The following ANKS1A variants were observed in gnomAD, a reference collection of about 807,000 sequenced individuals.
ANKS1A encodes ankyrin repeat and sterile alpha motif domain containing 1A, also known as ankyrin repeat and SAM domain-containing protein 1A.
A neutral mutation model predicts 120.3 loss-of-function variants in ANKS1A; 55 were observed. The observed-to-expected ratio is 0.46, with a 90% CI of 0.37 to 0.57. The LOEUF is 0.57. Ranked by LOEUF, ANKS1A falls within the 20% of genes least tolerant of loss-of-function variation. The pLI is 0.00. For synonymous variants in ANKS1A, 590 were observed against 604.7 expected (o/e 0.98, Z 0.36); for missense variants, 1,123 against 1,480.3 (o/e 0.76, Z 3.96).
At chr6:34,998,899 A>C (rs1164402691) in intron 10 of ANKS1A, among the ~76,000 whole-genome samples, 1 of 152,180 alleles carries the variant, frequency 6.6e-6, no homozygotes, top group Non-Finnish European at 1.5e-5. Context: ...TCCTTAGGCG[A>C]CTTTAGCCTG....
intron 11 of ANKS1A, among the ~76,000 whole-genome samples, chr6:35,041,419 T>C (rs3800426): frequency 2.4e-4 from 37 of 152,064 alleles, no homozygotes; most frequent in African/African-American, 8.2e-4. Flanking sequence ...TCACAAAGTG[T>C]AGAGGATTGC....
chr6:34,966,526 A>G (rs1002317176), intron 1 of ANKS1A, among the ~76,000 whole-genome samples: 7 of 152,234 alleles, frequency 4.6e-5, no homozygotes, highest in Non-Finnish European at 8.8e-5. Context: ...TAGCCAATGC[A>G]GTAAAGTTTG....
In ANKS1A at chr6:34,983,199, G is replaced by A; in HGVS notation, c.895G>A (p.Ala299Thr). ...GCCTTCTCAAAAGAGCCAGCAAATA[G>A]CAGCATTAATTGAAGGTATCATCCT... The part of the protein sequence containing the change: ...ELPSQKSQQI[A>T]ALIEDHMTGK... Residue 299 changes from alanine (A) to threonine (T), a missense_variant, in exon 6 of 24, where the codon GCA (alanine) becomes ACA (threonine). This residue lies in a region of ANKS1A where 904 missense variants were observed against 1,130.4 expected (regional missense o/e 0.80). Coordinates refer to ENST00000360359, the MANE Select transcript of ANKS1A (RefSeq NM_015245.3). 6.2e-7 allele frequency: 1 copy of A among 1,614,164 alleles called. No individual in the cohort carries two copies. Among genetic ancestry groups the A allele is most frequent in the South Asian group, 1.1e-5 (1 of 91,086 alleles).
intron 1 of ANKS1A, among the ~76,000 whole-genome samples, chr6:34,951,827 TA>T (rs1770106129): frequency 6.6e-6 from 1 of 152,214 alleles, no homozygotes; most frequent in African/African-American, 2.4e-5. Context: ...GTCTCTCAGT[TA>T]ACTACCTCTA....
intron 10 of ANKS1A, among the ~76,000 whole-genome samples, chr6:34,998,795 T>G (rs191801796): frequency 6.6e-6 from 1 of 152,322 alleles, no homozygotes; most frequent in East Asian, 1.9e-4. Flanking sequence ...CTTCACTATC[T>G]TGGTGTCTGA....
At chr6:34,952,471 T>C (rs966971937) in intron 1 of ANKS1A, among the ~76,000 whole-genome samples, 8 of 152,322 alleles carry the variant, frequency 5.3e-5, no homozygotes, top group Non-Finnish European at 1.2e-4. Context: ...CTTTCCTTCC[T>C]ACCACAGCCT....
Position 34,889,588 on chromosome 6 carries a change from C to A in ANKS1A, c.186C>A (p.Ser62=). The A allele has an allele frequency of 7.7e-7, 1 of 1,302,002 alleles. No homozygotes were observed. Among genetic ancestry groups the A allele is most frequent in the Non-Finnish European group, 9.7e-7 (1 of 1,035,304 alleles). 80.7% of individuals were successfully genotyped at this position (1,302,002 alleles called of 1,614,324 possible). Residue 62 remains serine (S), a synonymous_variant, in exon 1 of 24, where the codon TCC becomes TCA. Coordinates refer to ENST00000360359, the MANE Select transcript of ANKS1A (RefSeq NM_015245.3). This position sits in a 1 kb window ranked among gnomAD's most constrained non-coding sequence, Gnocchi z 5.5. ...GGLGSSSHPL[S]SLLSMWRGPN... is the part of the protein sequence containing the mutation. The stretch of plus-strand genomic sequence containing the variant: ...TCGGCTCTTCCAGCCACCCCCTCTC[C>A]AGTCTGCTCAGGTGGGTACGCGCCA...
chr6:34,981,542 AG>A lies in ANKS1A; in HGVS notation c.436-147del, dbSNP rs554213483. 135 of 781,682 alleles carry A rather than the reference AG, an allele frequency of 1.7e-4. No homozygotes were observed. In the African/African-American group the frequency reaches 1.9e-3, roughly 11 times the overall value. The allele number at this position is 781,682 out of a possible 1,614,324, so 48.4% of individuals were successfully genotyped here. A position where few individuals can be genotyped will look rare whatever the true frequency, so the allele number is the denominator to read the frequency against. ...GACCAGTCAGGCTTGTTTGTGGGGG[AG>A]TATGTCTGGATTCCGACTTTTATTA... On this transcript the variant is annotated intron_variant, in intron 3 of 23. Coordinates refer to ENST00000360359, the MANE Select transcript of ANKS1A (RefSeq NM_015245.3).
intron 7 of ANKS1A, 142 bp downstream of exon 7, chr6:34,983,567 C>T: frequency 1.4e-6 from 1 of 717,058 alleles, no homozygotes; most frequent in Non-Finnish European, 2.3e-6. Context: ...TCATTTTTTG[C>T]CAACTACTAT....
chr6:35,086,830 A>G lies in ANKS1A; in HGVS notation c.3304-122A>G. ...CCAGGGGCCTGCTCTTTGGCCGAGG[A>G]GAATAAGGGCTGCCCCTCCCAGCAC... On this transcript the variant is annotated intron_variant, in intron 22 of 23. Transcript: ENST00000360359. This position sits in a 1 kb window ranked among gnomAD's most constrained non-coding sequence, Gnocchi z 5.1. The G allele has an allele frequency of 1.0e-6, 1 of 987,716 alleles. No homozygotes were observed. The highest frequency in any genetic ancestry group is 1.6e-6 in the Non-Finnish European group (1 of 630,758). The allele number at this position is 987,716 out of a possible 1,614,324, so 61.2% of individuals were successfully genotyped here.
chr6:35,091,014 G>A lies in ANKS1A; in HGVS notation c.*2405G>A, dbSNP rs1227492842. The A allele has an allele frequency of 2.0e-6, 2 of 985,782 alleles. No homozygotes were observed. Among genetic ancestry groups the A allele is most frequent in the Admixed American group, 6.1e-5 (1 of 16,274 alleles). The allele number at this position is 985,782 out of a possible 1,614,324, so 61.1% of individuals were successfully genotyped here. ...GTTTGAGCAGGGAGCAGGCAGAGCT[G>A]CAGTCAGAGACATTAGAAAACCAGT... On this transcript the variant is annotated 3_prime_UTR_variant, in exon 24 of 24. Coordinates refer to ENST00000360359, the MANE Select transcript of ANKS1A (RefSeq NM_015245.3).
At chr6:35,022,766 G>A (rs1282179152) in intron 11 of ANKS1A, among the ~76,000 whole-genome samples, 1 of 152,140 alleles carries the variant, frequency 6.6e-6, no homozygotes, top group African/African-American at 2.4e-5. Flanking sequence ...CTTAACCTCT[G>A]TTAACATTCA....
intron 1 of ANKS1A, among the ~76,000 whole-genome samples, chr6:34,953,156 G>A (rs996425892): frequency 2.6e-5 from 4 of 152,198 alleles, no homozygotes; most frequent in African/African-American, 9.7e-5. Flanking sequence ...AATTGGTGGT[G>A]AGGATATAAT....
chr6:35,097,649 A>C, the ANKS1A span, among the ~76,000 whole-genome samples: 16 of 145,934 alleles, frequency 1.1e-4, no homozygotes, highest in South Asian at 1.7e-3. Context: ...AAAAAAAAAA[A>C]AAAAAAAAAC....
chr6:34,994,408 A>G lies in ANKS1A; in HGVS notation c.1409A>G (p.Asp470Gly), dbSNP rs1429391369. 2.5e-6 allele frequency: 4 copies of G among 1,612,560 alleles called. No homozygotes were observed. The East Asian group carries it at 8.9e-5, about 36-fold the overall frequency. Residue 470 changes from aspartate to glycine, a missense_variant, in exon 10 of 24, where the codon GAT (aspartate) becomes GGT (glycine). Around this residue, in one of 3 missense-constraint regions of ANKS1A, gnomAD observed 904 missense variants for 1,130.4 expected, o/e 0.80. Transcript: ENST00000360359. ...GAGACAAAGAAAGTGGTGTTGGTGG[A>G]TGGAAAAACAAAAGGTACGTTCCCC... The part of the protein sequence containing the change: ...TAETKKVVLV[D>G]GKTKDHRRSS...
chr6:35,067,361 C>G (rs1228127008), intron 13 of ANKS1A, among the ~76,000 whole-genome samples: 1 of 152,182 alleles, frequency 6.6e-6, no homozygotes, highest in Admixed American at 6.5e-5. Context: ...AGAAGTTGGT[C>G]CTGGCTGAGA....
intron 1 of ANKS1A, among the ~76,000 whole-genome samples, chr6:34,944,461 T>A (rs2127486871): frequency 6.6e-6 from 1 of 152,336 alleles, no homozygotes; most frequent in East Asian, 1.9e-4. Flanking sequence ...AATTCGATAT[T>A]GAGTGAGTGT....
chr6:34,968,003 A>C (rs1313291466), intron 2 of ANKS1A, among the ~76,000 whole-genome samples: 31 of 152,134 alleles, frequency 2.0e-4, no homozygotes, highest in Non-Finnish European at 5.9e-5. Context: ...CAATAAACTG[A>C]AAATAGATTA....
At chr6:35,062,548 A>G (rs1776562955) in intron 13 of ANKS1A, among the ~76,000 whole-genome samples, 1 of 152,232 alleles carries the variant, frequency 6.6e-6, no homozygotes, top group Admixed American at 6.5e-5. Context: ...AAGATGCAGA[A>G]GTAGCTTCCA....
Sources: allele counts gnomAD v4.1 joint callset (sites outside exome capture counted in the v4.1 genomes callset), GRCh38; gene constraint gnomAD v4.1.1; regional missense constraint gnomAD v4.1.1; non-coding constraint Gnocchi (gnomAD v3.1); transcripts MANE v1.5; gene names NCBI Gene and HGNC (gene_info 2026-07-23, HGNC 2026-07-21).